AGBL1: variants seen among roughly 807,000 people sequenced by gnomAD.
AGBL1 encodes cytosolic carboxypeptidase 4.
Under a neutral mutation model 118.9 loss-of-function variants are expected in AGBL1, and 130 were observed. That is an observed-to-expected ratio of 1.09 (90% CI 0.95 to 1.26). The LOEUF (loss-of-function observed/expected upper bound fraction) is 1.26. Ranked by LOEUF, AGBL1 falls within the 50% of genes most tolerant of loss-of-function variation. The pLI, the probability that AGBL1 is intolerant of heterozygous loss-of-function variation, is 0.00. For synonymous variants in AGBL1, 555 were observed against 478.9 expected, an observed-to-expected ratio of 1.16 and a Z score of -2.08; for missense variants, 1,584 against 1,298.1, an observed-to-expected ratio of 1.22 and a Z score of -3.38.
chr15:86,257,024 A>G lies in AGBL1; in HGVS notation c.901+6A>G, dbSNP rs958933255. Reference sequence around the variant, plus strand: ...TCCACATGATCTACCTGAAGGTAAAATAAGTTGGTAACTATGACCTTTAAG... The same window carrying G: ...TCCACATGATCTACCTGAAGGTAAAGTAAGTTGGTAACTATGACCTTTAAG... On this transcript the variant is annotated splice_donor_region_variant and intron_variant, in intron 8 of 22. Transcript: ENST00000614907. 6.2e-7 allele frequency: 1 copy of G among 1,612,506 alleles called. No individual in the cohort carries two copies. The highest frequency in any genetic ancestry group is 1.3e-5 in the African/African-American group (1 of 74,892).
chr15:86,195,180 T>A (rs140633376), intron 5 of AGBL1, among the ~76,000 whole-genome samples: 1 of 152,124 alleles, frequency 6.6e-6, no homozygotes, highest in East Asian at 1.9e-4. Context: ...CTGTCCTGAG[T>A]TTTATAGATC....
chr15:86,363,552 T>C (rs1236586009), intron 17 of AGBL1, among the ~76,000 whole-genome samples: 2 of 152,292 alleles, frequency 1.3e-5, no homozygotes, highest in East Asian at 1.9e-4. Context: ...GGCAGGATCA[T>C]ACTGATTTCC....
At chr15:86,731,637 A>T (rs371702319) in intron 22 of AGBL1, among the ~76,000 whole-genome samples, 6 of 152,218 alleles carry the variant, frequency 3.9e-5, no homozygotes, top group Middle Eastern at 3.2e-3. Context: ...TTGAAAGCCA[A>T]CAAGATACAA....
At chr15:86,862,677 G>A (rs1286897394) in intron 22 of AGBL1, among the ~76,000 whole-genome samples, 4 of 152,134 alleles carry the variant, frequency 2.6e-5, no homozygotes, top group South Asian at 2.1e-4. Flanking sequence ...CTGAGATCGC[G>A]CCATTGCACT....
At chr15:86,242,552 T>C (rs961827682) in intron 6 of AGBL1, among the ~76,000 whole-genome samples, 1 of 152,190 alleles carries the variant, frequency 6.6e-6, no homozygotes, top group Non-Finnish European at 1.5e-5. Context: ...GACAGAAAGT[T>C]GAAGGGTCTG....
chr15:86,835,431 T>TA (rs1469215666), intron 22 of AGBL1, among the ~76,000 whole-genome samples: 3 of 152,168 alleles, frequency 2.0e-5, no homozygotes, highest in Non-Finnish European at 4.4e-5. Context: ...GGTGATTTGA[T>TA]AATTACTCAG....
Position 86,624,502 on chromosome 15 carries a change from G to A in AGBL1, c.2995-49771G>A, listed in dbSNP as rs1265292073. Among the ~76,000 whole-genome samples, 5 of 152,274 alleles carry A rather than the reference G, an allele frequency of 3.3e-5. No individual in the cohort carries two copies. In the East Asian group the frequency reaches 5.8e-4, roughly 18 times the overall value. On this transcript the variant is annotated intron_variant, in intron 21 of 22. Transcript: ENST00000614907. ...CAATATCGATTCTGAGTCATTTCCT[G>A]TGGCCTTCACTTTTTCAGTTCTTCA...
intron 21 of AGBL1, among the ~76,000 whole-genome samples, chr15:86,619,215 CTCAATATA>C (rs1408213197): frequency 1.3e-5 from 2 of 152,034 alleles, no homozygotes; most frequent in Non-Finnish European, 1.5e-5. Context: ...ATAATAAGTA[CTCAATATA>C]TCTTTTTTAA....
intron 15 of AGBL1, 52 bp from the exon 16 acceptor site, chr15:86,279,587 C>T (rs1273848887): frequency 6.4e-7 from 1 of 1,565,896 alleles, no homozygotes; most frequent in Admixed American, 1.7e-5. Flanking sequence ...TGACCCTGCA[C>T]CCCCCTCCCA....
chr15:86,839,282 T>G (rs1596538383), intron 22 of AGBL1, among the ~76,000 whole-genome samples: 3 of 152,330 alleles, frequency 2.0e-5, no homozygotes, highest in African/African-American at 7.2e-5. Context: ...GCCTCTACTC[T>G]GCTGATTTTC....
At chr15:86,668,930 G>C (rs2085693541) in intron 21 of AGBL1, among the ~76,000 whole-genome samples, 1 of 152,164 alleles carries the variant, frequency 6.6e-6, no homozygotes, top group African/African-American at 2.4e-5. Flanking sequence ...CCTTCAAGCA[G>C]ATTTGGAATC....
chr15:86,635,253 TCCC>T (rs1567094845), intron 21 of AGBL1, among the ~76,000 whole-genome samples: 12 of 88,010 alleles, frequency 1.4e-4, no homozygotes, highest in East Asian at 9.1e-4. Flanking sequence ...CTCCTCCTCC[TCCC>T]CCTCCCCCTC....
At chr15:86,604,478 C>T (rs1042640696) in intron 21 of AGBL1, among the ~76,000 whole-genome samples, 10 of 152,156 alleles carry the variant, frequency 6.6e-5, no homozygotes, top group South Asian at 4.1e-4. Context: ...TTTCTGATCC[C>T]GAGGCCAGGC....
At chr15:86,553,386 A>C (rs2083689595) in intron 20 of AGBL1, among the ~76,000 whole-genome samples, 1 of 152,116 alleles carries the variant, frequency 6.6e-6, no homozygotes, top group African/African-American at 2.4e-5. Context: ...ATGCCTTCTA[A>C]ATGGAGATTA....
At chr15:86,986,630 G>A (rs1464254658) in intron 23 of AGBL1, among the ~76,000 whole-genome samples, 3 of 152,106 alleles carry the variant, frequency 2.0e-5, no homozygotes, top group East Asian at 3.9e-4. Flanking sequence ...GGGTTGTGTC[G>A]AATCTATAGA....
chr15:86,141,379 G>A (rs991976041), intron 1 of AGBL1, among the ~76,000 whole-genome samples: 3 of 152,210 alleles, frequency 2.0e-5, no homozygotes, highest in Non-Finnish European at 2.9e-5. Flanking sequence ...TAAGCCGGCC[G>A]GGTGTGGTGG....
chr15:86,360,284 T>C (rs1293701934), intron 17 of AGBL1, among the ~76,000 whole-genome samples: 3 of 151,774 alleles, frequency 2.0e-5, no homozygotes, highest in African/African-American at 7.2e-5. Context: ...AAATGTTTTT[T>C]GGCATCTACT....
intron 17 of AGBL1, among the ~76,000 whole-genome samples, chr15:86,343,229 A>C (rs1169045721): frequency 6.6e-6 from 1 of 152,184 alleles, no homozygotes; most frequent in Non-Finnish European, 1.5e-5. Context: ...GGTTTGGCCA[A>C]TGGAAGATAA....
intron 24 of AGBL1, among the ~76,000 whole-genome samples, chr15:87,003,972 C>G (rs2081469400): frequency 6.6e-6 from 1 of 152,058 alleles, no homozygotes; most frequent in African/African-American, 2.4e-5. Flanking sequence ...TCCTTCAGTT[C>G]TGCTCTGATC....
Sources: gnomAD v4.1 joint callset for allele counts (sites outside exome capture counted in the v4.1 genomes callset) on GRCh38, gnomAD v4.1.1 for gene constraint, MANE v1.5 for transcripts, NCBI Gene and HGNC (gene_info 2026-07-23, HGNC 2026-07-21) for gene names.